GRIK3: variants seen among roughly 807,000 people sequenced by gnomAD.
GRIK3 encodes the protein glutamate ionotropic receptor kainate type subunit 3.
In GRIK3, 29 loss-of-function variants were observed where a neutral mutation model predicts 102.5. The ratio of observed to expected loss-of-function variants is 0.28; its 90% CI spans 0.21 to 0.39. The LOEUF is 0.39. GRIK3 is among the 10% of genes least tolerant of loss of function. GRIK3 has a pLI of 1.00. For missense variants in GRIK3, 908 were observed against 1,252.4 expected, an observed-to-expected ratio of 0.73 and a Z score of 4.15; for synonymous variants, 511 against 504.9, an observed-to-expected ratio of 1.01 and a Z score of -0.16.
intron 13 of GRIK3, among the ~76,000 whole-genome samples, chr1:36,816,305 G>A (rs1048226568): frequency 2.6e-5 from 4 of 152,166 alleles, no homozygotes; most frequent in African/African-American, 9.7e-5. Flanking sequence ...CGCAGCTCTT[G>A]GCCTACTGTG....
rs542723704 is a variant in GRIK3 at position 36,806,878 on chromosome 1, C to A, written c.2092-552G>T. ...CTCAGCTGCCCTGCCTCACAGAAAC[C>A]ACTGTGAGGGTGGAGGGGGAGAGAC... On this transcript the variant is annotated intron_variant, in intron 13 of 15. Transcript: ENST00000373091. The surrounding 1 kb of genome is among the most constrained non-coding windows in gnomAD (Gnocchi z 4.0). Among the ~76,000 whole-genome samples, 15 of 152,288 alleles carry A rather than the reference C, an allele frequency of 9.8e-5. No homozygotes were observed. The highest frequency in any genetic ancestry group is 8.5e-4 in the Admixed American group (13 of 15,300).
intron 10 of GRIK3, among the ~76,000 whole-genome samples, chr1:36,834,687 A>C (rs1304351053): frequency 6.6e-6 from 1 of 152,134 alleles, no homozygotes; most frequent in Non-Finnish European, 1.5e-5. Context: ...TCCCTGCTTC[A>C]GGGCGCACTC....
intron 10 of GRIK3, among the ~76,000 whole-genome samples, chr1:36,828,629 T>C (rs78491144): frequency 0.04 from 6,117 of 152,276 alleles, 169 homozygotes; most frequent in Non-Finnish European, 0.062. Context: ...TCTCAGAATG[T>C]ATTCCTGTTG....
intron 1 of GRIK3, among the ~76,000 whole-genome samples, chr1:36,979,767 G>A (rs1642231139): frequency 6.6e-6 from 1 of 152,232 alleles, no homozygotes; most frequent in Non-Finnish European, 1.5e-5. Context: ...GGCATGATGG[G>A]CTGTGGGGCA....
rs925640588 is a variant in GRIK3 at position 36,819,367 on chromosome 1, C to T, written c.1873+369G>A. ...TCCCTGCCTCTGGTCTCCTTCCATCCACAGCCCAACTTGCTCAGCTGGATT... is the reference window on the plus strand; with the variant it reads ...TCCCTGCCTCTGGTCTCCTTCCATCTACAGCCCAACTTGCTCAGCTGGATT... On this transcript the variant is annotated intron_variant, in intron 12 of 15. Coordinates refer to ENST00000373091, the MANE Select transcript of GRIK3 (RefSeq NM_000831.4). This position sits in a 1 kb window ranked among gnomAD's most constrained non-coding sequence, Gnocchi z 4.1. Among the ~76,000 whole-genome samples, 1 of 152,192 alleles carries T rather than the reference C, an allele frequency of 6.6e-6. No homozygotes were observed. Among genetic ancestry groups the T allele is most frequent in the African/African-American group, 2.4e-5 (1 of 41,460 alleles).
intron 15 of GRIK3, among the ~76,000 whole-genome samples, chr1:36,802,920 T>C (rs1340685168): frequency 6.6e-6 from 1 of 152,152 alleles, no homozygotes; most frequent in Non-Finnish European, 1.5e-5. Context: ...TTGCCTCCTT[T>C]TCTTCATTCC....
intron 1 of GRIK3, among the ~76,000 whole-genome samples, chr1:36,913,945 A>G (rs767296495): frequency 6.6e-6 from 1 of 151,880 alleles, no homozygotes; most frequent in African/African-American, 2.4e-5. Context: ...ACATATTCTG[A>G]CCTCCTCTGG....
chr1:36,888,845 C>T (rs1021625573), intron 2 of GRIK3, among the ~76,000 whole-genome samples: 1 of 152,294 alleles, frequency 6.6e-6, no homozygotes, highest in South Asian at 2.1e-4. Context: ...CTGTAGCTCT[C>T]TCTCATTTTC....
intron 1 of GRIK3, among the ~76,000 whole-genome samples, chr1:36,899,255 G>A (rs985374122): frequency 7.2e-5 from 11 of 152,110 alleles, no homozygotes; most frequent in African/African-American, 1.7e-4. Context: ...TATAGAATGC[G>A]AGAAGATATT....
chr1:36,946,318 G>T (rs1392601620), intron 1 of GRIK3, among the ~76,000 whole-genome samples: 2 of 152,232 alleles, frequency 1.3e-5, no homozygotes, highest in Non-Finnish European at 2.9e-5. Context: ...GCAGACTGGG[G>T]TCCTGGCCTT....
intron 5 of GRIK3, among the ~76,000 whole-genome samples, chr1:36,867,467 C>T (rs1389785009): frequency 3.3e-5 from 5 of 152,122 alleles, no homozygotes; most frequent in Non-Finnish European, 7.4e-5. Context: ...TAAATGCTCC[C>T]AGGGTGAGGG....
intron 7 of GRIK3, 72 bp downstream of exon 7, chr1:36,859,036 A>G: frequency 7.6e-7 from 1 of 1,324,340 alleles, no homozygotes; most frequent in Non-Finnish European, 1.0e-6. Flanking sequence ...CCTGACTCCC[A>G]GACCACTCTG....
At chr1:36,818,101 C>T (rs116582406) in intron 12 of GRIK3, among the ~76,000 whole-genome samples, 2,112 of 152,258 alleles carry the variant, frequency 0.014, 50 homozygotes, top group African/African-American at 0.048. Flanking sequence ...AATCTGAAAA[C>T]CGTCTGCTTT....
chr1:36,803,390 T>C (rs1260420777), intron 15 of GRIK3, among the ~76,000 whole-genome samples: 7 of 152,020 alleles, frequency 4.6e-5, no homozygotes, highest in Non-Finnish European at 1.0e-4. Context: ...CCTTTAGGCT[T>C]TTTGGTGGAA....
At chr1:37,021,255 A>AT (rs920710088) in intron 1 of GRIK3, among the ~76,000 whole-genome samples, 8 of 151,724 alleles carry the variant, frequency 5.3e-5, no homozygotes, top group African/African-American at 1.9e-4. Flanking sequence ...GACACAAGTC[A>AT]TTTTCTCTTT....
chr1:36,881,720 A>C (rs1014320940), intron 2 of GRIK3, among the ~76,000 whole-genome samples: 1 of 152,100 alleles, frequency 6.6e-6, no homozygotes, highest in Non-Finnish European at 1.5e-5. Context: ...TCCACAGTAT[A>C]AGGTAGATTA....
At chr1:36,983,795 A>C in intron 1 of GRIK3, among the ~76,000 whole-genome samples, 1 of 152,142 alleles carries the variant, frequency 6.6e-6, no homozygotes, top group South Asian at 2.1e-4. Flanking sequence ...GAATTATCAC[A>C]GTTAATAATA....
At chr1:36,997,513 CA>C (rs1642433164) in intron 1 of GRIK3, among the ~76,000 whole-genome samples, 1 of 152,204 alleles carries the variant, frequency 6.6e-6, no homozygotes, top group African/African-American at 2.4e-5. Context: ...TGGCACTGGG[CA>C]GGGGGGCACG....
chr1:36,835,554 C>T (rs1048429156), intron 10 of GRIK3, among the ~76,000 whole-genome samples: 5 of 152,242 alleles, frequency 3.3e-5, no homozygotes, highest in African/African-American at 1.2e-4. Context: ...GCCCTTGGCA[C>T]TCATTCTTTC....
Sources: gnomAD v4.1 joint callset for allele counts (sites outside exome capture counted in the v4.1 genomes callset) on GRCh38, gnomAD v4.1.1 for gene constraint, Gnocchi (gnomAD v3.1) non-coding constraint, MANE v1.5 for transcripts, NCBI Gene and HGNC (gene_info 2026-07-23, HGNC 2026-07-21) for gene names.